ZNF471: variants seen among roughly 807,000 people sequenced by gnomAD.
The protein encoded by ZNF471 is EZFIT-related protein 1.
Under a neutral mutation model 13.7 loss-of-function variants are expected in ZNF471, and 7 were observed. The observed-to-expected ratio is 0.51, with a 90% CI of 0.29 to 0.96. The LOEUF (loss-of-function observed/expected upper bound fraction) is 0.96, where lower values mean the gene tolerates loss of function less well. ZNF471 is among the 40% of genes least tolerant of loss of function. ZNF471 has a pLI of 0.08. For missense variants in ZNF471, 663 were observed against 743.3 expected, an observed-to-expected ratio of 0.89 and a Z score of 1.26; for synonymous variants, 218 against 235.6, an observed-to-expected ratio of 0.93 and a Z score of 0.68.
At position 56,524,770 on chromosome 19, in the gene ZNF471, G is replaced by A. The variant is rs377656535; in HGVS notation, c.703G>A (p.Ala235Thr). The change falls in exon 5 of 5, where the codon GCA (alanine) becomes ACA (threonine). Residue 235 changes from alanine to threonine, a missense_variant. Transcript: ENST00000308031. This position sits in a 1 kb window ranked among gnomAD's most constrained non-coding sequence, Gnocchi z 4.8. The stretch of plus-strand genomic sequence containing the variant: ...AATTCATACTGGTGAAAAACCATAT[G>A]CATGTGAGGAATGTGGAAAAGCCTT... ...FRIHTGEKPYACEECGKAFKQ... is the reference protein window; with the variant it reads ...FRIHTGEKPYTCEECGKAFKQ... 1.4e-4 allele frequency: 227 copies of A among 1,612,568 alleles called. 2 individuals carry two copies. Among genetic ancestry groups the A allele is most frequent in the South Asian group, 2.6e-4 (24 of 90,674 alleles).
chr19:56,521,764 C>A (rs1360214915), intron 4 of ZNF471, among the ~76,000 whole-genome samples: 1 of 150,220 alleles, frequency 6.7e-6, no homozygotes, highest in African/African-American at 2.5e-5. Flanking sequence ...GCCTGGGCAA[C>A]AGCAAGACCT....
rs1568477659 is a variant in ZNF471, at chr19:56,526,208, A to G, written c.*260A>G. On this transcript the variant is annotated 3_prime_UTR_variant, in exon 5 of 5. Transcript: ENST00000308031. ...ACTGGTTAGACAGTGGGTGCAGCCCACGGAGGGTGAGCTGAAGCAGGGTGG... is the reference window on the plus strand; with the variant it reads ...ACTGGTTAGACAGTGGGTGCAGCCCGCGGAGGGTGAGCTGAAGCAGGGTGG... The G allele has an allele frequency of 2.7e-6, 1 of 369,810 alleles. No homozygotes were observed. Among genetic ancestry groups the G allele is most frequent in the East Asian group, 4.3e-5 (1 of 23,204 alleles). 22.9% of individuals were successfully genotyped at this position (369,810 alleles called of 1,614,324 possible). A position where few individuals can be genotyped will look rare whatever the true frequency, so the allele number is the denominator to read the frequency against.
chr19:56,510,508 TGGG>T lies in ZNF471; in HGVS notation c.-55-1006_-55-1004del. ...GCTGTGTGTGTGAGAGAAGTAAGAT[TGGG>T]GGTATGTGTGAAGGTGTTGGTGAAT... On this transcript the variant is annotated intron_variant, in intron 1 of 4. Coordinates refer to ENST00000308031, the MANE Select transcript of ZNF471 (RefSeq NM_020813.4). This position sits in a 1 kb window ranked among gnomAD's most constrained non-coding sequence, Gnocchi z 4.3. 1.0e-6 allele frequency: 1 copy of T among 985,598 alleles called. No individual in the cohort carries two copies. The highest frequency in any genetic ancestry group is 1.2e-6 in the Non-Finnish European group (1 of 830,004). 61.1% of individuals were successfully genotyped at this position (985,598 alleles called of 1,614,324 possible). A position where few individuals can be genotyped will look rare whatever the true frequency, so the allele number is the denominator to read the frequency against.
rs1249511156 is a variant in ZNF471 at position 56,510,284 on chromosome 19, T to C, written c.-55-1233T>C. 2 of 985,258 alleles carry C rather than the reference T, an allele frequency of 2.0e-6. No individual in the cohort carries two copies. The highest frequency in any genetic ancestry group is 3.5e-5 in the African/African-American group (2 of 57,194). 61.0% of individuals were successfully genotyped at this position (985,258 alleles called of 1,614,324 possible). On this transcript the variant is annotated intron_variant, in intron 1 of 4. Coordinates refer to ENST00000308031, the MANE Select transcript of ZNF471 (RefSeq NM_020813.4). This position sits in a 1 kb window ranked among gnomAD's most constrained non-coding sequence, Gnocchi z 4.3. ...CCTCTTTGAAAGATACCATTGAATG[T>C]GTATGTATGAGAGACCATCATGTTT...
chr19:56,514,953 C>G (rs568297343), intron 2 of ZNF471, among the ~76,000 whole-genome samples: 2 of 152,196 alleles, frequency 1.3e-5, no homozygotes, highest in East Asian at 3.9e-4. Flanking sequence ...TATTAATCCT[C>G]CTGGAAATTT....
At chr19:56,509,274 T>G (rs1342921323) in intron 1 of ZNF471, among the ~76,000 whole-genome samples, 1 of 152,178 alleles carries the variant, frequency 6.6e-6, no homozygotes, top group Non-Finnish European at 1.5e-5. Context: ...GAAGCTTCCA[T>G]AAAAACCCAA....
chr19:56,510,923 G>A lies in ZNF471; in HGVS notation c.-55-594G>A. The A allele has an allele frequency of 6.1e-6, 6 of 985,590 alleles. No individual in the cohort carries two copies. The highest frequency in any genetic ancestry group is 7.2e-6 in the Non-Finnish European group (6 of 830,020). The allele number at this position is 985,590 out of a possible 1,614,324, so 61.1% of individuals were successfully genotyped here. On this transcript the variant is annotated intron_variant, in intron 1 of 4. Coordinates refer to ENST00000308031, the MANE Select transcript of ZNF471 (RefSeq NM_020813.4). This position sits in a 1 kb window ranked among gnomAD's most constrained non-coding sequence, Gnocchi z 4.3. Reference sequence around the variant, plus strand: ...AGGGTAATTAAGGGGCTGGGACAGAGGTGAGAGTGAAAGTGGCAGAATTGA... The same window carrying A: ...AGGGTAATTAAGGGGCTGGGACAGAAGTGAGAGTGAAAGTGGCAGAATTGA...
chr19:56,511,090 C>CTTTT (rs1041719333), intron 1 of ZNF471: 2 of 847,960 alleles, frequency 2.4e-6, no homozygotes, highest in Non-Finnish European at 2.8e-6. Flanking sequence ...TTTCCTTTTT[C>CTTTT]TTTTGTTTTT....
At position 56,524,964 on chromosome 19, in the gene ZNF471, C is replaced by T. The variant is rs1480107850; in HGVS notation, c.897C>T (p.Phe299=). 6.2e-7 allele frequency: 1 copy of T among 1,614,098 alleles called. No homozygotes were observed. The highest frequency in any genetic ancestry group is 8.5e-7 in the Non-Finnish European group (1 of 1,180,020). ...AATGTAAGGAATGCAGAAAAGCCTT[C>T]AGACAGCCTGCACACCTTGCTCAGC... is the stretch of plus-strand genomic sequence containing the variant. ...PYKCKECRKA[F]RQPAHLAQHQ... is the part of the protein sequence containing the mutation. The change falls in exon 5 of 5, where the codon TTC becomes TTT. Residue 299 remains phenylalanine, a synonymous_variant. Coordinates refer to ENST00000308031, the MANE Select transcript of ZNF471 (RefSeq NM_020813.4). This position sits in a 1 kb window ranked among gnomAD's most constrained non-coding sequence, Gnocchi z 4.8.
chr19:56,524,210 A>C lies in ZNF471; in HGVS notation c.257-114A>C. The C allele has an allele frequency of 1.3e-6, 1 of 746,776 alleles. No individual in the cohort carries two copies. The highest frequency in any genetic ancestry group is 2.1e-6 in the Non-Finnish European group (1 of 481,768). The allele number at this position is 746,776 out of a possible 1,614,324, so 46.3% of individuals were successfully genotyped here. A position where few individuals can be genotyped will look rare whatever the true frequency, so the allele number is the denominator to read the frequency against. On this transcript the variant is annotated intron_variant, in intron 4 of 4. Transcript: ENST00000308031. The surrounding 1 kb of genome is among the most constrained non-coding windows in gnomAD (Gnocchi z 4.8). ...AATGTTTTCCAGTTGACATGCCTGT[A>C]CATAACAGGTTTTGTGAGATTTATT...
At chr19:56,523,065 A>G (rs1319059905) in intron 4 of ZNF471, among the ~76,000 whole-genome samples, 1 of 152,228 alleles carries the variant, frequency 6.6e-6, no homozygotes, top group African/African-American at 2.4e-5. Context: ...AAGCACATTT[A>G]TTCCTTCTGT....
Position 56,516,351 on chromosome 19 carries a change from G to A in ZNF471, c.110G>A (p.Arg37His), listed in dbSNP as rs138064197. The A allele has an allele frequency of 5.8e-5, 94 of 1,613,848 alleles. 1 individual carries two copies. Among genetic ancestry groups the A allele is most frequent in the African/African-American group, 5.1e-4 (38 of 75,028 alleles). Residue 37 changes from arginine to histidine, a missense_variant, in exon 3 of 5, where the codon CGT (arginine) becomes CAT (histidine). Transcript: ENST00000308031. The surrounding 1 kb of genome is among the most constrained non-coding windows in gnomAD (Gnocchi z 4.4). Reference protein sequence around the residue: ...EWQWMNPAQKRLYRSMMLENY... With the variant: ...EWQWMNPAQKHLYRSMMLENY... ...CAATGGATGAACCCTGCTCAGAAGC[G>A]TTTATACAGGAGTATGATGTTGGAG...
In ZNF471 at chr19:56,524,534, A is replaced by G; in HGVS notation, c.467A>G (p.Glu156Gly). The stretch of plus-strand genomic sequence containing the variant: ...ACTCATAAAGAAACCATCACTAAGG[A>G]AACAGAATTCAAATATACTAAATTT... ...IITHKETITKETEFKYTKFGK... is the reference protein window; with the variant it reads ...IITHKETITKGTEFKYTKFGK... The change falls in exon 5 of 5, where the codon GAA becomes GGA. Residue 156 changes from glutamate (E) to glycine (G), a missense_variant. Transcript: ENST00000308031. This position sits in a 1 kb window ranked among gnomAD's most constrained non-coding sequence, Gnocchi z 4.8. 1 of 1,601,928 alleles carries G rather than the reference A, an allele frequency of 6.2e-7. No individual in the cohort carries two copies. The highest frequency in any genetic ancestry group is 1.1e-5 in the South Asian group (1 of 87,996).
chr19:56,520,895 A>G (rs1365672936), intron 4 of ZNF471, among the ~76,000 whole-genome samples: 1 of 152,242 alleles, frequency 6.6e-6, no homozygotes, highest in Non-Finnish European at 1.5e-5. Context: ...GCTAATAAAG[A>G]CATACCTGAG....
intron 2 of ZNF471, among the ~76,000 whole-genome samples, chr19:56,513,870 A>G (rs1349202316): frequency 2.0e-5 from 3 of 151,838 alleles, no homozygotes; most frequent in Non-Finnish European, 4.4e-5. Flanking sequence ...TATTTTTTAG[A>G]ATAGTTTTAG....
At chr19:56,512,888 T>A (rs544363859) in intron 2 of ZNF471, among the ~76,000 whole-genome samples, 1 of 151,944 alleles carries the variant, frequency 6.6e-6, no homozygotes, top group East Asian at 1.9e-4. Flanking sequence ...TTAAATTAAT[T>A]TTGAAACACT....
chr19:56,511,116 AC>A, intron 1 of ZNF471: 1 of 878,224 alleles, frequency 1.1e-6, no homozygotes, highest in African/African-American at 1.9e-5. Context: ...TTTCCCAAAA[AC>A]CCCATCCATC....
intron 4 of ZNF471, among the ~76,000 whole-genome samples, chr19:56,518,990 G>C (rs1294769396): frequency 6.6e-6 from 1 of 152,018 alleles, no homozygotes; most frequent in African/African-American, 2.4e-5. Context: ...TAGCAGATAG[G>C]AAAAATCTAA....
chr19:56,508,125 G>C lies in ZNF471; in HGVS notation c.-56+205G>C, dbSNP rs1329256121. On this transcript the variant is annotated intron_variant, in intron 1 of 4. Transcript: ENST00000308031. The surrounding 1 kb of genome is among the most constrained non-coding windows in gnomAD (Gnocchi z 4.7). ...TCGGGGCTGCTGGGCGTTCGGGGCG[G>C]CTTGGGGCGGCGGGACCACTGGAGT... The C allele has an allele frequency of 2.0e-6, 2 of 985,248 alleles. No homozygotes were observed. The highest frequency in any genetic ancestry group is 1.7e-5 in the African/African-American group (1 of 57,250). 61.0% of individuals were successfully genotyped at this position (985,248 alleles called of 1,614,324 possible).
Sources: allele counts gnomAD v4.1 joint callset (sites outside exome capture counted in the v4.1 genomes callset), GRCh38; gene constraint gnomAD v4.1.1; non-coding constraint Gnocchi (gnomAD v3.1); transcripts MANE v1.5; gene names NCBI Gene and HGNC (gene_info 2026-07-23, HGNC 2026-07-21).